Variants in TDRD9 observed in about 807,000 individuals in gnomAD.
TDRD9 encodes ATP-dependent RNA helicase TDRD9.
A neutral mutation model predicts 172.6 loss-of-function variants in TDRD9; 124 were observed. That is an observed-to-expected ratio of 0.72 (90% CI 0.62 to 0.83). TDRD9 has a LOEUF of 0.83. Ranked by LOEUF, TDRD9 falls within the 40% of genes least tolerant of loss-of-function variation. The probability of loss-of-function intolerance (pLI) is 0.00; values close to 1 mark genes in which losing one functional copy is unlikely to be tolerated. For synonymous variants in TDRD9, 619 were observed against 617.1 expected, an observed-to-expected ratio of 1.00 and a Z score of -0.05; for missense variants, 1,479 against 1,714.1, an observed-to-expected ratio of 0.86 and a Z score of 2.42.
chr14:104,016,666 G>A (rs1216373754), intron 22 of TDRD9, among the ~76,000 whole-genome samples: 4 of 152,178 alleles, frequency 2.6e-5, no homozygotes, highest in African/African-American at 4.8e-5. Context: ...TTGAATCAGC[G>A]TTTGCAACCC....
rs181306620 is a variant in TDRD9 at position 104,007,235 on chromosome 14, A to G, written c.2052+31A>G. 1,084 of 1,609,208 alleles carry G rather than the reference A, an allele frequency of 6.7e-4. 13 individuals are homozygous for G. The East Asian group carries it at 0.022, about 32-fold the overall frequency. On this transcript the variant is annotated intron_variant, in intron 19 of 35. Coordinates refer to ENST00000409874, the MANE Select transcript of TDRD9 (RefSeq NM_153046.3). ...TGAGCCCTTTCCTGCTGCTTTCTAG[A>G]TGGCTGGGAGTAATGAGAGAAGGAC...
At chr14:103,938,726 C>T (rs111265415) in intron 1 of TDRD9, among the ~76,000 whole-genome samples, 3,490 of 151,960 alleles carry the variant, frequency 0.023, 77 homozygotes, top group East Asian at 0.071. Context: ...CGTGAGCCAC[C>T]GTGCCCGGCC....
chr14:103,973,163 A>C (rs2033104246), intron 6 of TDRD9, among the ~76,000 whole-genome samples: 1 of 152,206 alleles, frequency 6.6e-6, no homozygotes, highest in Non-Finnish European at 1.5e-5. Context: ...TTATTAACAA[A>C]TACGTGAAGC....
intron 1 of TDRD9, among the ~76,000 whole-genome samples, chr14:103,929,676 C>T (rs992202239): frequency 6.6e-6 from 1 of 152,152 alleles, no homozygotes; most frequent in Non-Finnish European, 1.5e-5. Flanking sequence ...TATGCCACCA[C>T]GCCTGGCTAA....
At position 103,963,167 on chromosome 14, in the gene TDRD9, C is replaced by T. The variant is rs183636624; in HGVS notation, c.411C>T (p.Tyr137=). ...YKYPDLPISR[Y]KEEVVSLIES... ...ATCCTGATTTGCCTATAAGTCGATA[C>T]AAGGAAGAGGTAAAATTGTTTTGTT... The change falls in exon 3 of 36, where the codon TAC becomes TAT. Residue 137 remains tyrosine, a synonymous_variant. Coordinates refer to ENST00000409874, the MANE Select transcript of TDRD9 (RefSeq NM_153046.3). The T allele has an allele frequency of 1.9e-6, 3 of 1,545,630 alleles. No individual in the cohort carries two copies. The highest frequency in any genetic ancestry group is 1.4e-5 in the African/African-American group (1 of 72,798).
intron 32 of TDRD9, among the ~76,000 whole-genome samples, chr14:104,037,272 C>T (rs1345316070): frequency 6.6e-6 from 1 of 152,188 alleles, no homozygotes; most frequent in African/African-American, 2.4e-5. Context: ...AGCCGCTGCC[C>T]CGCCATGCGC....
intron 35 of TDRD9, 176 bp downstream of exon 35, chr14:104,049,856 T>C: frequency 1.7e-6 from 1 of 588,590 alleles, no homozygotes; most frequent in Non-Finnish European, 3.1e-6. Flanking sequence ...ACAGGCTGTT[T>C]CTGCACAGTG....
chr14:103,952,190 GTATATATA>G (rs1566734586), intron 1 of TDRD9, among the ~76,000 whole-genome samples: 1,314 of 55,454 alleles, frequency 0.024, 20 homozygotes, highest in South Asian at 0.046. Context: ...GCGTGTGTGT[GTATATATA>G]TATATATATA....
At chr14:104,022,724 C>G (rs1336683309) in intron 24 of TDRD9, among the ~76,000 whole-genome samples, 2 of 83,286 alleles carry the variant, frequency 2.4e-5, no homozygotes, top group Non-Finnish European at 5.3e-5. Context: ...AAGACGCTGT[C>G]TTAAAAAATA....
At chr14:104,046,459 A>G (rs565577408) in intron 34 of TDRD9, among the ~76,000 whole-genome samples, 1 of 152,160 alleles carries the variant, frequency 6.6e-6, no homozygotes, top group Non-Finnish European at 1.5e-5. Context: ...TGGTGATGAC[A>G]TCATTTACTG....
At chr14:104,036,831 G>A (rs937435289) in intron 32 of TDRD9, among the ~76,000 whole-genome samples, 7 of 152,204 alleles carry the variant, frequency 4.6e-5, no homozygotes, top group African/African-American at 1.7e-4. Flanking sequence ...GACGGTTTAT[G>A]TGACAGTGTG....
In TDRD9 at chr14:103,955,778, G is replaced by T. The variant is rs1442610629; in HGVS notation, c.322+8G>T. ...AACCAACCAGTGGGCCAGGTAAACA[G>T]GTCTCTTTAAATATTTTAGATAGGA... On this transcript the variant is annotated splice_region_variant and intron_variant, in intron 2 of 35. Transcript: ENST00000409874. The T allele has an allele frequency of 6.5e-6, 10 of 1,548,772 alleles. No homozygotes were observed. The highest frequency in any genetic ancestry group is 8.7e-6 in the Non-Finnish European group (10 of 1,145,290).
chr14:104,028,099 C>T (rs527932295), intron 28 of TDRD9, among the ~76,000 whole-genome samples: 4 of 152,234 alleles, frequency 2.6e-5, no homozygotes, highest in East Asian at 1.9e-4. Context: ...CATCTGTTGA[C>T]GGACACCTAG....
At chr14:103,972,722 T>C (rs1356952476) in intron 6 of TDRD9, among the ~76,000 whole-genome samples, 2 of 152,252 alleles carry the variant, frequency 1.3e-5, no homozygotes, top group African/African-American at 2.4e-5. Context: ...TGTTTATTTG[T>C]TGAGGAAAAC....
intron 19 of TDRD9, among the ~76,000 whole-genome samples, chr14:104,007,862 C>G (rs993442846): frequency 1.6e-4 from 24 of 151,974 alleles, no homozygotes; most frequent in African/African-American, 5.1e-4. Context: ...ACTGCAAGCT[C>G]TGTCTCCTGG....
intron 7 of TDRD9, among the ~76,000 whole-genome samples, chr14:103,984,386 C>T (rs558536008): frequency 1.4e-4 from 21 of 152,308 alleles, no homozygotes; most frequent in South Asian, 1.2e-3. Flanking sequence ...TTAGGGCCCC[C>T]GTGCTGTGTG....
At chr14:103,950,882 C>A (rs2031838166) in intron 1 of TDRD9, among the ~76,000 whole-genome samples, 1 of 152,232 alleles carries the variant, frequency 6.6e-6, no homozygotes, top group Non-Finnish European at 1.5e-5. Flanking sequence ...AAGGCCATCA[C>A]AACCTTTCTA....
Position 104,047,418 on chromosome 14 carries a change from T to A in TDRD9, c.3975-2190T>A, listed in dbSNP as rs183480481. Among the ~76,000 whole-genome samples the A allele has an allele frequency of 2.6e-5, 4 of 152,286 alleles. No homozygotes were observed. In the East Asian group the frequency reaches 7.7e-4, roughly 29 times the overall value. On this transcript the variant is annotated intron_variant, in intron 34 of 35. Transcript: ENST00000409874. ...ACAAGATCATTATTATTATGAAAGC[T>A]TTCTTTCTCTAGTAATGCTTCTTGT...
chr14:103,987,251 T>C (rs937198712), intron 8 of TDRD9, among the ~76,000 whole-genome samples: 1 of 152,222 alleles, frequency 6.6e-6, no homozygotes. Flanking sequence ...TTGGGAATTA[T>C]ACAGTATGTA....
Sources: allele counts gnomAD v4.1 joint callset (sites outside exome capture counted in the v4.1 genomes callset), GRCh38; gene constraint gnomAD v4.1.1; transcripts MANE v1.5; gene names NCBI Gene and HGNC (gene_info 2026-07-23, HGNC 2026-07-21).